CRTAC1: variants seen among roughly 807,000 people sequenced by gnomAD.
CRTAC1 encodes cartilage acidic protein 1.
In CRTAC1, 37 loss-of-function variants were observed where a neutral mutation model predicts 67.8. The ratio of observed to expected loss-of-function variants is 0.55; its 90% CI spans 0.42 to 0.72. The LOEUF is 0.72. CRTAC1 is among the 30% of genes least tolerant of loss of function. CRTAC1 has a pLI of 0.00. For missense variants in CRTAC1, 780 were observed against 931.6 expected (o/e 0.84, Z 2.12); for synonymous variants, 348 against 371.0 (o/e 0.94, Z 0.71).
intron 3 of CRTAC1, among the ~76,000 whole-genome samples, chr10:97,934,638 G>A (rs555868327): frequency 6.6e-6 from 1 of 152,164 alleles, no homozygotes; most frequent in East Asian, 1.9e-4. Context: ...GTCAGGGTGG[G>A]GAGCGGAGCA....
At chr10:97,968,004 G>A (rs2051646676) in intron 2 of CRTAC1, among the ~76,000 whole-genome samples, 1 of 152,122 alleles carries the variant, frequency 6.6e-6, no homozygotes, top group African/African-American at 2.4e-5. Context: ...GACAAATAAA[G>A]GATACACCAT....
chr10:97,907,914 C>T, intron 6 of CRTAC1, 99 bp downstream of exon 6: 4 of 1,348,154 alleles, frequency 3.0e-6, no homozygotes, highest in Non-Finnish European at 4.1e-6. Flanking sequence ...TCTCCCTCAG[C>T]CAGAAGAGAC....
intron 2 of CRTAC1, among the ~76,000 whole-genome samples, chr10:98,001,250 A>G (rs1842682962): frequency 6.6e-6 from 1 of 152,216 alleles, no homozygotes; most frequent in African/African-American, 2.4e-5. Flanking sequence ...TAGGCCAAGC[A>G]GAAAAATATA....
chr10:97,913,832 C>T (rs2050722798), intron 5 of CRTAC1, among the ~76,000 whole-genome samples: 1 of 152,202 alleles, frequency 6.6e-6, no homozygotes. Flanking sequence ...TTGGCCCCCA[C>T]TCTGTAGCCC....
At chr10:97,961,926 T>C (rs569394491) in intron 2 of CRTAC1, among the ~76,000 whole-genome samples, 51 of 152,340 alleles carry the variant, frequency 3.3e-4, no homozygotes, top group African/African-American at 1.2e-3. Flanking sequence ...CTGGTGAGTT[T>C]CCATGCGTAC....
intron 8 of CRTAC1, among the ~76,000 whole-genome samples, chr10:97,900,729 A>C: frequency 8.2e-6 from 1 of 121,762 alleles, no homozygotes; most frequent in East Asian, 2.5e-4. Flanking sequence ...TAGTGATTGG[A>C]CCCCGTAGCC....
chr10:97,885,392 G>A (rs1026094659), intron 11 of CRTAC1, among the ~76,000 whole-genome samples: 3 of 152,184 alleles, frequency 2.0e-5, no homozygotes, highest in African/African-American at 7.2e-5. Context: ...TAAAGAGATG[G>A]CAGGTGGAGG....
intron 11 of CRTAC1, among the ~76,000 whole-genome samples, chr10:97,889,216 G>C (rs371919086): frequency 2.0e-5 from 3 of 151,952 alleles, no homozygotes; most frequent in Admixed American, 2.0e-4. Flanking sequence ...GAGGCAAATA[G>C]ATGATTGGTG....
At chr10:97,952,158 C>G (rs969262242) in intron 2 of CRTAC1, among the ~76,000 whole-genome samples, 1 of 152,084 alleles carries the variant, frequency 6.6e-6, no homozygotes, top group African/African-American at 2.4e-5. Flanking sequence ...CAAGACCAGC[C>G]TGGCTAACAC....
intron 14 of CRTAC1, among the ~76,000 whole-genome samples, chr10:97,871,831 C>T (rs1200316095): frequency 1.3e-5 from 2 of 152,156 alleles, no homozygotes; most frequent in Admixed American, 6.5e-5. Flanking sequence ...GAGAGAAACT[C>T]GTGGGCAAAT....
At chr10:97,882,759 A>G in intron 13 of CRTAC1, 27 bp downstream of exon 13, 2 of 1,613,364 alleles carry the variant, frequency 1.2e-6, no homozygotes, top group Non-Finnish European at 1.7e-6. Flanking sequence ...CCTCTACCCC[A>G]TGCCCTGGTG....
intron 1 of CRTAC1, among the ~76,000 whole-genome samples, chr10:98,017,917 C>A (rs2136701615): frequency 6.6e-6 from 1 of 151,944 alleles, no homozygotes; most frequent in Middle Eastern, 3.4e-3. Flanking sequence ...TAAAGAGAGG[C>A]CAGGCATGGT....
At chr10:97,991,898 C>T (rs1842467026) in intron 2 of CRTAC1, among the ~76,000 whole-genome samples, 2 of 152,180 alleles carry the variant, frequency 1.3e-5, no homozygotes, top group Non-Finnish European at 2.9e-5. Flanking sequence ...TTTACTATCT[C>T]TTGCTTTTTG....
intron 2 of CRTAC1, among the ~76,000 whole-genome samples, chr10:97,959,724 A>T (rs992383977): frequency 3.3e-5 from 5 of 152,222 alleles, no homozygotes; most frequent in Non-Finnish European, 5.9e-5. Flanking sequence ...GCCCACTGCC[A>T]CTGGACTCTC....
chr10:98,012,577 T>C (rs1842929596), intron 1 of CRTAC1, among the ~76,000 whole-genome samples: 1 of 152,172 alleles, frequency 6.6e-6, no homozygotes, highest in African/African-American at 2.4e-5. Context: ...CTGAGGCTGA[T>C]GTCTTAATGA....
chr10:97,873,074 CACA>C (rs1272226031), intron 14 of CRTAC1, among the ~76,000 whole-genome samples: 3 of 152,200 alleles, frequency 2.0e-5, no homozygotes, highest in Admixed American at 6.5e-5. Flanking sequence ...GAGGAAGCCT[CACA>C]ACAACTCTAT....
At chr10:97,869,575 C>T (rs559023865) in intron 14 of CRTAC1, 21 of 152,522 alleles carry the variant, frequency 1.4e-4, no homozygotes, top group Admixed American at 4.6e-4. Context: ...TTCCTTTGGC[C>T]ACAGGGCGGG....
At chr10:97,896,848 C>A (rs1016138090) in intron 9 of CRTAC1, 61 bp downstream of exon 9, 4 of 580,306 alleles carry the variant, frequency 6.9e-6, no homozygotes, top group Non-Finnish European at 1.2e-5. Flanking sequence ...CCCGCCCTCA[C>A]CCCAGTGTAT....
intron 2 of CRTAC1, among the ~76,000 whole-genome samples, chr10:97,969,410 G>A (rs1274738556): frequency 5.9e-5 from 9 of 152,138 alleles, no homozygotes; most frequent in South Asian, 2.1e-4. Flanking sequence ...ACTCCAGCCC[G>A]AGCCTTCCTT....
Sources: allele counts gnomAD v4.1 joint callset (sites outside exome capture counted in the v4.1 genomes callset), GRCh38; gene constraint gnomAD v4.1.1; transcripts MANE v1.5; gene names NCBI Gene and HGNC (gene_info 2026-07-23, HGNC 2026-07-21).